HS6ST3: variants seen among roughly 807,000 people sequenced by gnomAD.
HS6ST3 encodes the protein heparan-sulfate 6-O-sulfotransferase 3.
A neutral mutation model predicts 36.7 loss-of-function variants in HS6ST3; 12 were observed. The observed-to-expected ratio is 0.33, with a 90% CI of 0.21 to 0.53. HS6ST3 has a LOEUF of 0.53. Among genes scored for constraint, HS6ST3 ranks in the 20% least tolerant of loss-of-function variants. HS6ST3 has a pLI of 0.95. For missense variants in HS6ST3, 584 were observed against 640.9 expected, an observed-to-expected ratio of 0.91 and a Z score of 0.96; for synonymous variants, 240 against 257.5, an observed-to-expected ratio of 0.93 and a Z score of 0.65.
intron 1 of HS6ST3, among the ~76,000 whole-genome samples, chr13:96,487,189 T>G (rs1393265287): frequency 6.6e-6 from 1 of 152,106 alleles, no homozygotes; most frequent in Admixed American, 6.6e-5. Context: ...TGTGTGTTTT[T>G]TGGTTCCTTT....
At chr13:96,211,855 A>G (rs2054400739) in intron 1 of HS6ST3, among the ~76,000 whole-genome samples, 1 of 152,218 alleles carries the variant, frequency 6.6e-6, no homozygotes, top group Non-Finnish European at 1.5e-5. Context: ...TTGTCAAGAA[A>G]ACACAAAACC....
intron 1 of HS6ST3, among the ~76,000 whole-genome samples, chr13:96,579,137 T>C (rs1265087092): frequency 1.3e-5 from 2 of 152,186 alleles, no homozygotes; most frequent in African/African-American, 4.8e-5. Flanking sequence ...TATATTTTAC[T>C]GTTTATAATA....
At chr13:96,767,980 T>C (rs1877158352) in intron 1 of HS6ST3, among the ~76,000 whole-genome samples, 5 of 152,192 alleles carry the variant, frequency 3.3e-5, no homozygotes, top group Admixed American at 2.0e-4. Context: ...TGGAAGCCGT[T>C]ATACTTTTGC....
At chr13:96,240,318 G>A (rs1296339257) in intron 1 of HS6ST3, among the ~76,000 whole-genome samples, 1 of 152,106 alleles carries the variant, frequency 6.6e-6, no homozygotes, top group Non-Finnish European at 1.5e-5. Flanking sequence ...AAAGGTTAGG[G>A]GAGGGGAGTG....
chr13:96,230,262 G>A lies in HS6ST3; in HGVS notation c.707+138693G>A, dbSNP rs148376625. On this transcript the variant is annotated intron_variant, in intron 1 of 1. Transcript: ENST00000376705. ...AACAGGATATGGCAGGGAAACAAGA[G>A]CCCATCATTTTGGTCCATGTGAGAA... Among the ~76,000 whole-genome samples the A allele has an allele frequency of 2.8e-3, 428 of 152,176 alleles. 1 individual carries two copies. Among genetic ancestry groups the A allele is most frequent in the African/African-American group, 9.8e-3 (406 of 41,522 alleles).
At chr13:96,607,874 C>T (rs1298152302) in intron 1 of HS6ST3, among the ~76,000 whole-genome samples, 2 of 152,068 alleles carry the variant, frequency 1.3e-5, no homozygotes, top group African/African-American at 4.8e-5. Flanking sequence ...CGAGTAACCT[C>T]AAGAGAAATT....
intron 1 of HS6ST3, among the ~76,000 whole-genome samples, chr13:96,330,548 A>T (rs2055060352): frequency 6.6e-6 from 1 of 152,072 alleles, no homozygotes; most frequent in African/African-American, 2.4e-5. Flanking sequence ...CTGCTGAGAG[A>T]TCTGCTGTTA....
chr13:96,628,099 A>G (rs928274940), intron 1 of HS6ST3, among the ~76,000 whole-genome samples: 1 of 151,752 alleles, frequency 6.6e-6, no homozygotes, highest in Admixed American at 6.6e-5. Context: ...TTTAAGTTTG[A>G]CGCTTAATTG....
intron 1 of HS6ST3, among the ~76,000 whole-genome samples, chr13:96,798,215 C>T (rs1877961936): frequency 6.6e-6 from 1 of 152,056 alleles, no homozygotes; most frequent in Non-Finnish European, 1.5e-5. Context: ...GTGCACCACC[C>T]TCCAGGAACC....
intron 1 of HS6ST3, among the ~76,000 whole-genome samples, chr13:96,592,499 A>G (rs1254152043): frequency 6.6e-6 from 1 of 152,146 alleles, no homozygotes; most frequent in Non-Finnish European, 1.5e-5. Context: ...TGTACTTACT[A>G]TTACCAGTGA....
At chr13:96,224,709 A>G (rs1235778950) in intron 1 of HS6ST3, among the ~76,000 whole-genome samples, 1 of 152,198 alleles carries the variant, frequency 6.6e-6, no homozygotes, top group Non-Finnish European at 1.5e-5. Flanking sequence ...TTGTTTTAGG[A>G]TAAAAGGAGA....
chr13:96,638,376 A>G (rs1416864466), intron 1 of HS6ST3, among the ~76,000 whole-genome samples: 1 of 152,062 alleles, frequency 6.6e-6, no homozygotes, highest in Non-Finnish European at 1.5e-5. Context: ...TTTGTTTCTT[A>G]TTAATTGGTT....
intron 1 of HS6ST3, among the ~76,000 whole-genome samples, chr13:96,258,220 T>G (rs975733035): frequency 1.2e-4 from 19 of 152,128 alleles, no homozygotes; most frequent in African/African-American, 4.3e-4. Context: ...ATGGAAACAT[T>G]CATAGAACTG....
At chr13:96,165,499 T>G (rs934423217) in intron 1 of HS6ST3, among the ~76,000 whole-genome samples, 2 of 152,240 alleles carry the variant, frequency 1.3e-5, no homozygotes, top group African/African-American at 4.8e-5. Flanking sequence ...TGGTTAAGAC[T>G]GCTGGTTATG....
intron 1 of HS6ST3, among the ~76,000 whole-genome samples, chr13:96,203,765 G>T (rs904963264): frequency 1.3e-5 from 2 of 152,126 alleles, no homozygotes; most frequent in African/African-American, 4.8e-5. Flanking sequence ...GTGAAAGGGG[G>T]TTCAAAGTGG....
At chr13:96,461,575 CT>C (rs1330298686) in intron 1 of HS6ST3, among the ~76,000 whole-genome samples, 1 of 152,152 alleles carries the variant, frequency 6.6e-6, no homozygotes, top group Admixed American at 6.5e-5. Context: ...TTTTAAAAAT[CT>C]TTTAAACTGC....
intron 1 of HS6ST3, among the ~76,000 whole-genome samples, chr13:96,221,648 T>C (rs1475162722): frequency 6.6e-6 from 1 of 152,094 alleles, no homozygotes; most frequent in East Asian, 1.9e-4. Context: ...CAAGGAGTGA[T>C]GGGGTAAACT....
At chr13:96,218,560 G>A (rs781047205) in intron 1 of HS6ST3, among the ~76,000 whole-genome samples, 20 of 152,198 alleles carry the variant, frequency 1.3e-4, no homozygotes, top group Admixed American at 5.9e-4. Context: ...TCACAGCCAC[G>A]TGGGGAGAAG....
At chr13:96,682,940 T>C (rs2056723239) in intron 1 of HS6ST3, among the ~76,000 whole-genome samples, 1 of 152,126 alleles carries the variant, frequency 6.6e-6, no homozygotes, top group Non-Finnish European at 1.5e-5. Flanking sequence ...AATAAATTAA[T>C]TACCTTTAGG....
Sources: allele counts gnomAD v4.1 joint callset (sites outside exome capture counted in the v4.1 genomes callset), GRCh38; gene constraint gnomAD v4.1.1; transcripts MANE v1.5; gene names NCBI Gene and HGNC (gene_info 2026-07-23, HGNC 2026-07-21).